UGT1A8: variants seen among roughly 807,000 people sequenced by gnomAD.
The protein encoded by UGT1A8 is UDP glucuronosyltransferase family 1 member A8.
UGT1A8 carries 39 observed loss-of-function variants against 45.3 expected under a neutral mutation model. The observed-to-expected ratio is 0.86, with a 90% CI of 0.67 to 1.12. UGT1A8 has a LOEUF of 1.12. UGT1A8 is among the 50% of genes most tolerant of loss of function. UGT1A8 has a pLI of 0.00. For missense variants in UGT1A8, 719 were observed against 664.9 expected (o/e 1.08, Z -0.90); for synonymous variants, 275 against 249.2 (o/e 1.10, Z -0.97).
chr2:233,665,041 T>C (rs1361991382), intron 1 of UGT1A8, among the ~76,000 whole-genome samples: 1 of 152,270 alleles, frequency 6.6e-6, no homozygotes, highest in Non-Finnish European at 1.5e-5. Flanking sequence ...TGCATCATTT[T>C]CATTTTTTGA....
chr2:233,623,861 C>G (rs1355091294), intron 1 of UGT1A8, among the ~76,000 whole-genome samples: 5 of 152,142 alleles, frequency 3.3e-5, no homozygotes, highest in African/African-American at 9.7e-5. Context: ...GCATCAGACT[C>G]CAAGACCATT....
chr2:233,765,404 C>T (rs746281443), intron 1 of UGT1A8, among the ~76,000 whole-genome samples: 4 of 152,166 alleles, frequency 2.6e-5, no homozygotes, highest in Non-Finnish European at 2.9e-5. Flanking sequence ...GGTACATATA[C>T]ACCATGGAAT....
intron 1 of UGT1A8, among the ~76,000 whole-genome samples, chr2:233,651,324 G>A (rs774351783): frequency 3.9e-5 from 6 of 152,120 alleles, no homozygotes; most frequent in Non-Finnish European, 8.8e-5. Context: ...GATACGGAAA[G>A]CTATGTGTGA....
At chr2:233,713,977 C>G in intron 1 of UGT1A8, 1 of 1,595,304 alleles carries the variant, frequency 6.3e-7, no homozygotes, top group Non-Finnish European at 8.5e-7. Context: ...TTCTGCTTCT[C>G]ATTGTTGTAA....
At chr2:233,690,496 C>G (rs2074992345) in intron 1 of UGT1A8, 3 of 1,289,636 alleles carry the variant, frequency 2.3e-6, no homozygotes, top group Non-Finnish European at 3.0e-6. Context: ...CTGCTCTTGC[C>G]AACAGAGATT....
At chr2:233,619,851 T>A (rs530072385) in intron 1 of UGT1A8, among the ~76,000 whole-genome samples, 1 of 152,322 alleles carries the variant, frequency 6.6e-6, no homozygotes, top group East Asian at 1.9e-4. Context: ...TTATACTGCT[T>A]CTTTTGCTTT....
chr2:233,625,446 G>GAT (rs755830222), intron 1 of UGT1A8, among the ~76,000 whole-genome samples: 12 of 151,914 alleles, frequency 7.9e-5, no homozygotes, highest in Non-Finnish European at 1.2e-4. Context: ...TACATTACTG[G>GAT]ATATATATAT....
At chr2:233,629,455 G>T (rs2073148944) in intron 1 of UGT1A8, among the ~76,000 whole-genome samples, 1 of 152,010 alleles carries the variant, frequency 6.6e-6, no homozygotes, top group Non-Finnish European at 1.5e-5. Flanking sequence ...GCATTCCTAG[G>T]ATAAACCCCA....
In UGT1A8 at chr2:233,729,871, C is replaced by G. The variant is rs752223675; in HGVS notation, c.856-37163C>G. On this transcript the variant is annotated intron_variant, in intron 1 of 4. Coordinates refer to ENST00000373450, the MANE Select transcript of UGT1A8 (RefSeq NM_019076.5). Reference sequence around the variant, plus strand: ...GAGAGAGGTGTCAGTGGTGGATATTCTCAGTCATGCATCTGTGTGGCTGTT... The same window carrying G: ...GAGAGAGGTGTCAGTGGTGGATATTGTCAGTCATGCATCTGTGTGGCTGTT... The G allele has an allele frequency of 1.5e-5, 25 of 1,613,730 alleles. No homozygotes were observed. Among genetic ancestry groups the G allele is most frequent in the African/African-American group, 4.0e-5 (3 of 74,882 alleles).
chr2:233,707,649 C>A (rs1214611953), intron 1 of UGT1A8, among the ~76,000 whole-genome samples: 1 of 151,494 alleles, frequency 6.6e-6, no homozygotes, highest in African/African-American at 2.4e-5. Context: ...TATGAATACA[C>A]CACAATTTTA....
At chr2:233,711,189 C>G (rs2076167419) in intron 1 of UGT1A8, among the ~76,000 whole-genome samples, 2 of 152,232 alleles carry the variant, frequency 1.3e-5, no homozygotes, top group African/African-American at 4.8e-5. Flanking sequence ...GCTACTCCCT[C>G]CCCACAGTCC....
At chr2:233,705,767 T>G (rs886992171) in intron 1 of UGT1A8, among the ~76,000 whole-genome samples, 4 of 152,184 alleles carry the variant, frequency 2.6e-5, no homozygotes, top group South Asian at 2.1e-4. Context: ...CTGCATACTT[T>G]GAGTGTCTTA....
chr2:233,772,274 C>T lies in UGT1A8; in HGVS notation c.1308C>T (p.Asn436=), dbSNP rs754238953. Residue 436 remains asparagine, a synonymous_variant, in exon 5 of 5, where the codon AAC becomes AAT. Coordinates refer to ENST00000373450, the MANE Select transcript of UGT1A8 (RefSeq NM_019076.5). ...TCTTTGTGTTTAGTTACAAGGAGAA[C>T]ATCATGCGCCTCTCCAGCCTTCACA... The part of the protein sequence containing the change: ...AVINDKSYKE[N]IMRLSSLHKD... 1.5e-5 allele frequency: 25 copies of T among 1,614,248 alleles called. No individual in the cohort carries two copies. The South Asian group carries it at 1.8e-4, about 11-fold the overall frequency.
intron 1 of UGT1A8, chr2:233,637,269 A>C (rs1027526130): frequency 1.9e-6 from 3 of 1,613,788 alleles, no homozygotes; most frequent in Admixed American, 1.7e-5. Context: ...GTCACACATC[A>C]ATTTGGTTGT....
intron 1 of UGT1A8, among the ~76,000 whole-genome samples, chr2:233,704,015 C>T (rs547838967): frequency 2.0e-5 from 3 of 152,086 alleles, no homozygotes; most frequent in Admixed American, 6.5e-5. Flanking sequence ...CTCAGCCGCC[C>T]GAGCAGCTGG....
intron 1 of UGT1A8, chr2:233,691,596 G>A: frequency 1.0e-6 from 1 of 985,720 alleles, no homozygotes; most frequent in African/African-American, 1.7e-5. Flanking sequence ...TTTCTACACA[G>A]GTCTTGCTCT....
intron 1 of UGT1A8, among the ~76,000 whole-genome samples, chr2:233,765,573 A>C (rs1448763178): frequency 2.6e-5 from 4 of 152,132 alleles, no homozygotes; most frequent in Admixed American, 6.5e-5. Context: ...GCGTAGACGC[A>C]GGGAGGGGAA....
rs779038047 is a variant in UGT1A8, at chr2:233,618,031, A to G, written c.324A>G (p.Leu108=). ...WKAQVRSLFS[L]FLSSSNGFFN... is the part of the protein sequence containing the mutation. ...CACAAGTACGAAGTTTGTTTTCTCT[A>G]TTTCTGAGTTCATCCAATGGTTTTT... The change falls in exon 1 of 5, where the codon CTA becomes CTG. Residue 108 remains leucine, a synonymous_variant. Transcript: ENST00000373450. 3.1e-6 allele frequency: 5 copies of G among 1,614,104 alleles called. No homozygotes were observed. In the Admixed American group the frequency reaches 6.7e-5, roughly 22 times the overall value.
intron 1 of UGT1A8, among the ~76,000 whole-genome samples, chr2:233,675,695 A>C (rs2074331379): frequency 6.6e-6 from 1 of 152,178 alleles, no homozygotes; most frequent in South Asian, 2.1e-4. Flanking sequence ...CCACTTATCC[A>C]TTCTTAGGTT....
Sources: gnomAD v4.1 joint callset for allele counts (sites outside exome capture counted in the v4.1 genomes callset) on GRCh38, gnomAD v4.1.1 for gene constraint, MANE v1.5 for transcripts, NCBI Gene and HGNC (gene_info 2026-07-23, HGNC 2026-07-21) for gene names.